CLCNKA: variants seen among roughly 807,000 people sequenced by gnomAD.
The protein encoded by CLCNKA is chloride channel protein ClC-Ka.
In CLCNKA, 66 loss-of-function variants were observed where a neutral mutation model predicts 83.3. The ratio of observed to expected loss-of-function variants is 0.79; its 90% CI spans 0.65 to 0.97. The LOEUF (loss-of-function observed/expected upper bound fraction) is 0.97, where lower values mean the gene tolerates loss of function less well. Ranked by LOEUF, CLCNKA falls within the 50% of genes least tolerant of loss-of-function variation. The probability of loss-of-function intolerance (pLI) is 0.00; values close to 1 mark genes in which losing one functional copy is unlikely to be tolerated. For missense variants in CLCNKA, 806 were observed against 888.7 expected (o/e 0.91, Z 1.18); for synonymous variants, 357 against 370.4 (o/e 0.96, Z 0.42).
In CLCNKA at chr1:16,022,707, C is replaced by A. The variant is rs770883622; in HGVS notation, c.88C>A (p.Arg30=). The change falls in exon 2 of 20, where the codon CGA becomes AGA. Residue 30 remains arginine, a synonymous_variant. Coordinates refer to ENST00000331433, the MANE Select transcript of CLCNKA (RefSeq NM_004070.4). ...GTGGGGCCCCTGTCCCCACATCCGC[C>A]GAGCCATCCAAGGTGAGAGCCAGGT... is the stretch of plus-strand genomic sequence containing the variant. ...ELWGPCPHIR[R]AIQGGLEWLK... 1.3e-6 allele frequency: 2 copies of A among 1,539,546 alleles called. No individual in the cohort carries two copies. The highest frequency in any genetic ancestry group is 4.8e-5 in the East Asian group (2 of 41,704).
intron 2 of CLCNKA, among the ~76,000 whole-genome samples, chr1:16,023,037 C>T (rs972039923): frequency 1.3e-5 from 2 of 152,258 alleles, no homozygotes; most frequent in Admixed American, 1.3e-4. Flanking sequence ...GCTGGGACAG[C>T]TGGGGGCACA....
intron 5 of CLCNKA, 90 bp downstream of exon 5, chr1:16,026,337 C>T (rs1226422694): frequency 6.5e-7 from 1 of 1,541,628 alleles, no homozygotes; most frequent in Non-Finnish European, 8.9e-7. Flanking sequence ...TGGGTCAGAG[C>T]AGACTCAGGC....
At chr1:16,030,161 G>A (rs568512776) in intron 14 of CLCNKA, 86 bp downstream of exon 14, 18 of 1,021,272 alleles carry the variant, frequency 1.8e-5, no homozygotes, top group East Asian at 5.1e-5. Context: ...CCCAGGGCAC[G>A]GAGCAGTCAC....
intron 5 of CLCNKA, 127 bp from the exon 6 acceptor site, chr1:16,026,409 C>G: frequency 1.3e-6 from 2 of 1,481,720 alleles, no homozygotes; most frequent in Non-Finnish European, 9.3e-7. Flanking sequence ...CCCAGTGTGA[C>G]AAAAGCTACC....
At chr1:16,029,325 C>G (rs776301967) in intron 12 of CLCNKA, 26 bp downstream of exon 12, 1 of 1,613,422 alleles carries the variant, frequency 6.2e-7, no homozygotes, top group Non-Finnish European at 8.5e-7. Context: ...CCCAGGTGTG[C>G]ACAGAGCCAG....
intron 15 of CLCNKA, 42 bp from the exon 16 acceptor site, chr1:16,031,668 A>G: frequency 2.5e-6 from 4 of 1,613,218 alleles, no homozygotes; most frequent in Non-Finnish European, 3.4e-6. Context: ...TGGGTCTGAC[A>G]TCCCCGACTC....
rs1048353473 is a variant in CLCNKA, at chr1:16,030,645, C to G, written c.1593C>G (p.Tyr531Ter). The G allele has an allele frequency of 1.9e-6, 3 of 1,613,168 alleles. No individual in the cohort carries two copies. The highest frequency in any genetic ancestry group is 1.3e-5 in the African/African-American group (1 of 74,952). ...CCATCATTGTCAAGAAGCTGCCATA[C>G]CTGCCACGGATTCTGGGCCGCAACA... ...DGTIIVKKLP[Y>*]LPRILGRNIG... The change falls in exon 15 of 20, where the codon TAC becomes TAG. Residue 531 changes from tyrosine to a stop codon, truncating the protein, a stop_gained. Transcript: ENST00000331433. LOFTEE classifies it high-confidence loss of function.
intron 8 of CLCNKA, 35 bp downstream of exon 8, chr1:16,027,470 C>T (rs2022414702): frequency 6.2e-7 from 1 of 1,611,726 alleles, no homozygotes; most frequent in Non-Finnish European, 8.5e-7. Flanking sequence ...CTGGCCCTGC[C>T]TGGGGGCCGG....
In CLCNKA at chr1:16,029,807, C is replaced by T. The variant is rs1307463864; in HGVS notation, c.1297+7C>T. The T allele has an allele frequency of 6.2e-7, 1 of 1,613,974 alleles. No homozygotes were observed. The highest frequency in any genetic ancestry group is 1.3e-5 in the African/African-American group (1 of 74,906). On this transcript the variant is annotated splice_region_variant and intron_variant, in intron 13 of 19. Transcript: ENST00000331433. ...ATGCCCATCTTTATCCTTGGTGAGT[C>T]TGGGGTCCTGAGGTTCTGAGAGTTT...
At chr1:16,029,059 C>G in intron 11 of CLCNKA, 67 bp from the exon 12 acceptor site, 1 of 1,577,554 alleles carries the variant, frequency 6.3e-7, no homozygotes, top group Non-Finnish European at 8.6e-7. Flanking sequence ...TCAGGCGGTG[C>G]GGGGGAGGCT....
intron 7 of CLCNKA, chr1:16,027,042 G>C: frequency 1.5e-6 from 1 of 648,448 alleles, no homozygotes; most frequent in Non-Finnish European, 2.6e-6. Context: ...CTCTCTGAGC[G>C]CAGCTTCCTC....
In CLCNKA at chr1:16,025,987, C is replaced by A. The variant is rs1215619898; in HGVS notation, c.359-121C>A. 7.5e-6 allele frequency: 10 copies of A among 1,330,944 alleles called. No individual in the cohort carries two copies. In the African/African-American group the frequency reaches 1.3e-4, roughly 17 times the overall value. The allele number at this position is 1,330,944 out of a possible 1,614,324, so 82.4% of individuals were successfully genotyped here. ...GCAAGGCTGGTCTCGAACTCCTGAC[C>A]TCGCGATCCGCCTGCCTCGGCCTCC... is the stretch of plus-strand genomic sequence containing the variant. On this transcript the variant is annotated intron_variant, in intron 4 of 19. Transcript: ENST00000331433.
At chr1:16,028,883 C>A (rs999938458) in intron 11 of CLCNKA, 38 bp downstream of exon 11, 1 of 1,605,810 alleles carries the variant, frequency 6.2e-7, no homozygotes, top group Non-Finnish European at 8.5e-7. Context: ...GAGTGGGAAC[C>A]CCCATTTGTT....
Position 16,031,787 on chromosome 1 carries a change from T to C in CLCNKA, c.1700T>C (p.Val567Ala). 1 of 1,613,752 alleles carries C rather than the reference T, an allele frequency of 6.2e-7. No homozygotes were observed. Among genetic ancestry groups the C allele is most frequent in the Non-Finnish European group, 8.5e-7 (1 of 1,179,986 alleles). ...GCCAAGGACACGCCGCTGGAGGAGGTGGTCAAGGTTGTGACCTCCACAGAC... is the reference window on the plus strand; with the variant it reads ...GCCAAGGACACGCCGCTGGAGGAGGCGGTCAAGGTTGTGACCTCCACAGAC... ...TLAKDTPLEE[V>A]VKVVTSTDVT... The change falls in exon 16 of 20, where the codon GTG (valine) becomes GCG (alanine). Residue 567 changes from valine (V) to alanine (A), a missense_variant. Val to Ala is a moderately conservative substitution (Grantham distance 64). Coordinates refer to ENST00000331433, the MANE Select transcript of CLCNKA (RefSeq NM_004070.4).
chr1:16,023,915 G>T lies in CLCNKA; in HGVS notation c.216G>T (p.Gly72=), dbSNP rs376522912. 2.5e-6 allele frequency: 4 copies of T among 1,614,030 alleles called. No homozygotes were observed. In the African/African-American group the frequency reaches 5.3e-5, roughly 22 times the overall value. ...GCTATGCCATGAACTTTGCCATCGG[G>T]TGTGTGGTCCGAGGTAACTCTTCCC... ...LVSYAMNFAI[G]CVVRAHQWLY... is the part of the protein sequence containing the mutation. Residue 72 remains glycine, a synonymous_variant, in exon 3 of 20, where the codon GGG becomes GGT. Transcript: ENST00000331433.
Position 16,031,853 on chromosome 1 carries a change from T to C in CLCNKA, c.1756+10T>C, listed in dbSNP as rs199716091. 5.7e-4 allele frequency: 917 copies of C among 1,610,244 alleles called. 2 individuals are homozygous for C. Among genetic ancestry groups the C allele is most frequent in the African/African-American group, 6.0e-4 (45 of 74,940 alleles). Reference sequence around the variant, plus strand: ...CTGGTGGAGAGCACAGGTGCCCAGCTGGAAGGGAGGAGGAAGTCGGGGGTA... The same window carrying C: ...CTGGTGGAGAGCACAGGTGCCCAGCCGGAAGGGAGGAGGAAGTCGGGGGTA... On this transcript the variant is annotated intron_variant, in intron 16 of 19. Coordinates refer to ENST00000331433, the MANE Select transcript of CLCNKA (RefSeq NM_004070.4).
chr1:16,031,305 A>G (rs1230107872), intron 15 of CLCNKA, among the ~76,000 whole-genome samples: 1 of 152,162 alleles, frequency 6.6e-6, no homozygotes, highest in Non-Finnish European at 1.5e-5. Context: ...GGTGACATAC[A>G]CTTTTATAAT....
At chr1:16,028,198 C>A in intron 10 of CLCNKA, 79 bp downstream of exon 10, 2 of 1,352,990 alleles carry the variant, frequency 1.5e-6, no homozygotes, top group East Asian at 2.3e-5. Context: ...AGCCCCACCC[C>A]CATCCTCCCA....
At chr1:16,028,699 T>A (rs1443585250) in intron 10 of CLCNKA, 62 bp from the exon 11 acceptor site, 1 of 1,587,368 alleles carries the variant, frequency 6.3e-7, no homozygotes, top group Admixed American at 1.7e-5. Flanking sequence ...CAGGTCCTAC[T>A]TCCCTCTCCT....
Sources: gnomAD v4.1 joint callset for allele counts (sites outside exome capture counted in the v4.1 genomes callset) on GRCh38, gnomAD v4.1.1 for gene constraint, MANE v1.5 for transcripts, NCBI Gene and HGNC (gene_info 2026-07-23, HGNC 2026-07-21) for gene names.